CCR5AS: variants seen among roughly 807,000 people sequenced by gnomAD.
The protein encoded by CCR5AS is CCR5 antisense RNA.
intron 2 of CCR5AS, among the ~76,000 whole-genome samples, chr3:46,388,434 AG>A (rs1419794283): frequency 6.6e-6 from 1 of 152,222 alleles, no homozygotes; most frequent in Non-Finnish European, 1.5e-5. Flanking sequence ...TCTGAATAAG[AG>A]AAGGAGAAAA....
intron 1 of CCR5AS, among the ~76,000 whole-genome samples, chr3:46,393,453 A>G (rs1701932486): frequency 7.0e-6 from 1 of 142,222 alleles, no homozygotes; most frequent in South Asian, 2.4e-4. Context: ...CCTGGGCAAC[A>G]GAGCCACAAA....
chr3:46,369,042 T>C (rs899899587), intron 3 of CCR5AS, among the ~76,000 whole-genome samples: 2 of 152,240 alleles, frequency 1.3e-5, no homozygotes, highest in African/African-American at 2.4e-5. Flanking sequence ...AAATTTTATA[T>C]TAATTTATTT....
intron 1 of CCR5AS, among the ~76,000 whole-genome samples, chr3:46,399,869 G>A (rs1049472322): frequency 7.9e-5 from 12 of 152,134 alleles, no homozygotes; most frequent in African/African-American, 2.9e-4. Flanking sequence ...TGGAAAAATT[G>A]GATAAAGTGA....
Position 46,373,827 on chromosome 3 carries a change from T to C in CCR5AS, n.392-2410A>G, listed in dbSNP as rs763770533. ...CGGGGAGAAGTTCAGAAACTACCTC[T>C]TAGTCTTCTTCCAAAAGCACATTGC... On this transcript the variant is annotated intron_variant and non_coding_transcript_variant, in intron 2 of 3. Transcript: ENST00000451485. 1.9e-6 allele frequency: 3 copies of C among 1,614,112 alleles called. No homozygotes were observed. In the South Asian group the frequency reaches 3.3e-5, roughly 18 times the overall value.
intron 1 of CCR5AS, among the ~76,000 whole-genome samples, chr3:46,404,576 G>A (rs1702030814): frequency 6.6e-6 from 1 of 151,860 alleles, no homozygotes; most frequent in Admixed American, 6.6e-5. Flanking sequence ...GACCTCAAGT[G>A]ATCCACCCAC....
intron 3 of CCR5AS, among the ~76,000 whole-genome samples, chr3:46,368,575 A>C (rs1701623690): frequency 2.0e-5 from 3 of 152,238 alleles, no homozygotes; most frequent in Admixed American, 6.5e-5. Context: ...TCCTTGTTTC[A>C]GCCTGTGAAT....
At position 46,387,299 on chromosome 3, in the gene CCR5AS, G is replaced by C. The variant is rs558397201; in HGVS notation, n.391+5526C>G. On this transcript the variant is annotated intron_variant and non_coding_transcript_variant, in intron 2 of 3. Transcript: ENST00000451485. Reference sequence around the variant, plus strand: ...AAGGAAGATGTCCCATCACAGAACTGCCCTGGGTCATGTGTTTTCCAAGTC... The same window carrying C: ...AAGGAAGATGTCCCATCACAGAACTCCCCTGGGTCATGTGTTTTCCAAGTC... Among the ~76,000 whole-genome samples the C allele has an allele frequency of 3.3e-5, 5 of 152,302 alleles. 1 individual carries two copies. In the East Asian group the frequency reaches 7.7e-4, roughly 24 times the overall value.
chr3:46,383,806 T>TCAGC (rs1050581963), intron 2 of CCR5AS, among the ~76,000 whole-genome samples: 4 of 152,196 alleles, frequency 2.6e-5, no homozygotes, highest in African/African-American at 9.7e-5. Context: ...AGCTCAACAT[T>TCAGC]CAGCATTCAT....
chr3:46,380,369 G>A (rs1444410290), intron 2 of CCR5AS, among the ~76,000 whole-genome samples: 1 of 152,132 alleles, frequency 6.6e-6, no homozygotes, highest in East Asian at 1.9e-4. Context: ...GAGGAAAGGA[G>A]AAAAGAGAAA....
intron 1 of CCR5AS, among the ~76,000 whole-genome samples, chr3:46,405,943 A>G (rs1378175536): frequency 6.7e-6 from 1 of 149,894 alleles, no homozygotes; most frequent in Non-Finnish European, 1.5e-5. Context: ...TGGCATGATC[A>G]TGGCTCACCG....
chr3:46,394,478 C>G (rs891921184), intron 1 of CCR5AS, among the ~76,000 whole-genome samples: 2 of 152,092 alleles, frequency 1.3e-5, no homozygotes. Flanking sequence ...ATTCCTGTCA[C>G]TCTACCATTT....
intron 1 of CCR5AS, among the ~76,000 whole-genome samples, chr3:46,394,741 C>T (rs184195466): frequency 3.3e-5 from 5 of 152,150 alleles, no homozygotes; most frequent in Admixed American, 6.5e-5. Flanking sequence ...TCTGTGGAAA[C>T]GGTGTGTGAG....
At chr3:46,392,090 T>C (rs1701919000) in intron 2 of CCR5AS, among the ~76,000 whole-genome samples, 1 of 152,226 alleles carries the variant, frequency 6.6e-6, no homozygotes, top group African/African-American at 2.4e-5. Context: ...TCTGGCCACT[T>C]GGAACTATTG....
intron 2 of CCR5AS, among the ~76,000 whole-genome samples, chr3:46,381,502 A>G (rs140233732): frequency 9.8e-4 from 149 of 152,354 alleles, no homozygotes; most frequent in African/African-American, 3.5e-3. Flanking sequence ...AAGAGCAGAT[A>G]TCTGATAACT....
intron 2 of CCR5AS, among the ~76,000 whole-genome samples, chr3:46,388,506 G>C (rs1701881518): frequency 6.6e-6 from 1 of 152,308 alleles, no homozygotes; most frequent in Non-Finnish European, 1.5e-5. Flanking sequence ...GAGTGCCCAA[G>C]GGGGTTCAGC....
intron 3 of CCR5AS, among the ~76,000 whole-genome samples, chr3:46,366,776 T>C (rs1215750130): frequency 6.6e-6 from 1 of 152,198 alleles, no homozygotes; most frequent in Non-Finnish European, 1.5e-5. Context: ...GTGTCATTGT[T>C]GAGGCACATG....
intron 2 of CCR5AS, chr3:46,372,672 C>G: frequency 2.5e-6 from 1 of 401,008 alleles, no homozygotes; most frequent in Non-Finnish European, 4.5e-6. Flanking sequence ...ATGAATTCCC[C>G]CAACAGAGCC....
At chr3:46,372,681 C>T (rs1559567668) in intron 2 of CCR5AS, 1 of 425,840 alleles carries the variant, frequency 2.3e-6, no homozygotes, top group African/African-American at 2.0e-5. Context: ...CCCAACAGAG[C>T]CAAGCTCTCC....
intron 2 of CCR5AS, among the ~76,000 whole-genome samples, chr3:46,391,616 CT>C (rs1425479777): frequency 2.0e-5 from 3 of 152,058 alleles, no homozygotes; most frequent in Non-Finnish European, 2.9e-5. Flanking sequence ...GAGAGGTCAG[CT>C]AAAGAAAAAG....
Sources: allele counts gnomAD v4.1 joint callset (sites outside exome capture counted in the v4.1 genomes callset), GRCh38; gene constraint gnomAD v4.1.1; transcripts MANE v1.5; gene names NCBI Gene and HGNC (gene_info 2026-07-23, HGNC 2026-07-21).